AFG2A: variants seen among roughly 807,000 people sequenced by gnomAD.
AFG2A encodes ATPase family gene 2 protein homolog A.
chr4:122,923,144 T>C, the AFG2A span: 33 of 1,613,964 alleles, frequency 2.0e-5, no homozygotes, highest in Admixed American at 1.7e-5. Context: ...CTTGTGACCA[T>C]GTCTTCCAAG....
At chr4:123,311,610 AACGAG>A in the AFG2A span, among the ~76,000 whole-genome samples, 1 of 140,462 alleles carries the variant, frequency 7.1e-6, no homozygotes, top group African/African-American at 2.7e-5. Flanking sequence ...CTGGTGACAG[AACGAG>A]ACTCTGTCTC....
the AFG2A span, among the ~76,000 whole-genome samples, chr4:123,142,427 A>G: frequency 6.6e-6 from 1 of 152,162 alleles, no homozygotes; most frequent in Non-Finnish European, 1.5e-5. Flanking sequence ...TTCGTCATAT[A>G]AATAAATATA....
chr4:123,259,986 G>C, the AFG2A span: 1 of 152,184 alleles, frequency 6.6e-6, no homozygotes, highest in Non-Finnish European at 1.5e-5. Flanking sequence ...GAGGGAGTCA[G>C]GCCCTTCTTG....
chr4:123,061,917 A>G, the AFG2A span, among the ~76,000 whole-genome samples: 1 of 152,232 alleles, frequency 6.6e-6, no homozygotes, highest in Non-Finnish European at 1.5e-5. Flanking sequence ...CTAAAAAGGA[A>G]CAGGTGGGAG....
the AFG2A span, among the ~76,000 whole-genome samples, chr4:123,248,394 T>C: frequency 3.3e-5 from 5 of 152,218 alleles, no homozygotes; most frequent in African/African-American, 9.6e-5. Flanking sequence ...ATAAGAGATA[T>C]TATGAAATCG....
At chr4:123,202,891 C>A in the AFG2A span, among the ~76,000 whole-genome samples, 77,047 of 152,004 alleles carry the variant, frequency 0.51, 23,893 homozygotes, top group Non-Finnish European at 0.67. Context: ...GGCACGATGG[C>A]TTGCATCTGT....
chr4:123,044,991 C>T, the AFG2A span, among the ~76,000 whole-genome samples: 1 of 151,664 alleles, frequency 6.6e-6, no homozygotes, highest in South Asian at 2.1e-4. Flanking sequence ...TTTTTGTCTT[C>T]TTCTTTTTTT....
the AFG2A span, among the ~76,000 whole-genome samples, chr4:123,182,380 T>C: frequency 1.3e-5 from 2 of 152,224 alleles, no homozygotes; most frequent in Non-Finnish European, 2.9e-5. Flanking sequence ...CTAGAACTTA[T>C]ACCTAGGTTT....
chr4:123,198,340 T>A, the AFG2A span, among the ~76,000 whole-genome samples: 2 of 152,000 alleles, frequency 1.3e-5, no homozygotes, highest in Admixed American at 1.3e-4. Context: ...CCCTACATCA[T>A]GTGTGTAGCT....
At chr4:122,982,207 G>A in the AFG2A span, among the ~76,000 whole-genome samples, 4 of 152,082 alleles carry the variant, frequency 2.6e-5, no homozygotes, top group Non-Finnish European at 4.4e-5. Context: ...TATCATGAAA[G>A]GATGTTGAAT....
At chr4:123,159,411 A>G in the AFG2A span, among the ~76,000 whole-genome samples, 1 of 152,208 alleles carries the variant, frequency 6.6e-6, no homozygotes, top group Non-Finnish European at 1.5e-5. Context: ...GAAGTGTTGC[A>G]GTCAAGAGGC....
At chr4:122,983,176 T>C in the AFG2A span, among the ~76,000 whole-genome samples, 2 of 152,168 alleles carry the variant, frequency 1.3e-5, no homozygotes. Flanking sequence ...ACTTTAATCT[T>C]CTTTCTTTTT....
At chr4:123,196,996 A>T in the AFG2A span, among the ~76,000 whole-genome samples, 1 of 152,012 alleles carries the variant, frequency 6.6e-6, no homozygotes, top group Non-Finnish European at 1.5e-5. Flanking sequence ...TTTTAAAAGA[A>T]TAAATATCCT....
At chr4:123,175,721 G>T in the AFG2A span, among the ~76,000 whole-genome samples, 923 of 152,320 alleles carry the variant, frequency 6.1e-3, 8 homozygotes, top group African/African-American at 0.021. Flanking sequence ...TTCTGGTAGT[G>T]TGGGGTTGAG....
chr4:122,949,097 GC>G, the AFG2A span, among the ~76,000 whole-genome samples: 16 of 152,210 alleles, frequency 1.1e-4, no homozygotes, highest in Admixed American at 2.6e-4. Flanking sequence ...GGCCTGCATG[GC>G]CTGGGTTAGA....
chr4:123,017,743 T>C, the AFG2A span, among the ~76,000 whole-genome samples: 7 of 152,152 alleles, frequency 4.6e-5, no homozygotes, highest in Admixed American at 3.3e-4. Context: ...GCCAGCCCAA[T>C]TGTGACTGCC....
the AFG2A span, among the ~76,000 whole-genome samples, chr4:123,130,075 C>G: frequency 6.6e-6 from 1 of 152,064 alleles, no homozygotes; most frequent in East Asian, 1.9e-4. Context: ...GTGGTGCAAT[C>G]ATAGCTCATT....
the AFG2A span, among the ~76,000 whole-genome samples, chr4:123,102,611 T>G: frequency 6.6e-6 from 1 of 152,060 alleles, no homozygotes; most frequent in Non-Finnish European, 1.5e-5. Context: ...AAAAAGCTTC[T>G]TGTCTTCTAT....
At chr4:123,147,782 T>A in the AFG2A span, among the ~76,000 whole-genome samples, 1 of 152,188 alleles carries the variant, frequency 6.6e-6, no homozygotes, top group Non-Finnish European at 1.5e-5. Context: ...ACGAACTTTC[T>A]ATAACCTTAA....
Sources: allele counts gnomAD v4.1 joint callset (sites outside exome capture counted in the v4.1 genomes callset), GRCh38; gene constraint gnomAD v4.1.1; transcripts MANE v1.5; gene names NCBI Gene and HGNC (gene_info 2026-07-23, HGNC 2026-07-21).